The following PTGER3 variants were observed in gnomAD, a reference collection of about 807,000 sequenced individuals.
PTGER3 encodes prostaglandin E receptor 3.
PTGER3 carries 22 observed loss-of-function variants against 34.7 expected under a neutral mutation model. That is an observed-to-expected ratio of 0.63 (90% CI 0.45 to 0.91). The LOEUF is 0.91. Among genes scored for constraint, PTGER3 ranks in the 40% least tolerant of loss-of-function variants. The probability of loss-of-function intolerance (pLI) is 0.00; values close to 1 mark genes in which losing one functional copy is unlikely to be tolerated. For missense variants in PTGER3, 468 were observed against 519.4 expected, an observed-to-expected ratio of 0.90 and a Z score of 0.96; for synonymous variants, 241 against 230.1, an observed-to-expected ratio of 1.05 and a Z score of -0.43.
intron 2 of PTGER3, among the ~76,000 whole-genome samples, chr1:70,976,197 T>C (rs1385746516): frequency 1.3e-5 from 2 of 151,880 alleles, no homozygotes; most frequent in Non-Finnish European, 2.9e-5. Flanking sequence ...GTTTCCCTAG[T>C]GGCACTGTCT....
chr1:71,046,642 A>C, intron 1 of PTGER3, 39 bp downstream of exon 1: 1 of 1,507,830 alleles, frequency 6.6e-7, no homozygotes, highest in Non-Finnish European at 8.8e-7. Flanking sequence ...GCTTACTCGC[A>C]CACGCATCCT....
intron 1 of PTGER3, among the ~76,000 whole-genome samples, chr1:71,014,308 C>G (rs1256273054): frequency 6.6e-6 from 1 of 152,188 alleles, no homozygotes; most frequent in African/African-American, 2.4e-5. Flanking sequence ...CACTTTGATA[C>G]ACTCACCCTG....
At chr1:70,913,303 G>A (rs958626988) in intron 4 of PTGER3, among the ~76,000 whole-genome samples, 2 of 151,756 alleles carry the variant, frequency 1.3e-5, no homozygotes, top group Admixed American at 1.3e-4. Flanking sequence ...GTAGTTCATT[G>A]CTAGTATACA....
At chr1:70,966,811 G>A (rs573496663), downstream of PTGER3, among the ~76,000 whole-genome samples, 2 of 151,900 alleles carry the variant, frequency 1.3e-5, no homozygotes, top group African/African-American at 2.4e-5. Context: ...AGTATTCCAT[G>A]GTGTATATGA....
At chr1:71,018,614 C>T (rs766761976) in intron 1 of PTGER3, among the ~76,000 whole-genome samples, 24 of 152,086 alleles carry the variant, frequency 1.6e-4, no homozygotes, top group Non-Finnish European at 2.9e-4. Context: ...TATCTAAAAA[C>T]TCACTTAAAT....
intron 2 of PTGER3, among the ~76,000 whole-genome samples, chr1:70,978,017 TATC>T (rs1653879797): frequency 6.6e-6 from 1 of 152,154 alleles, no homozygotes; most frequent in Admixed American, 6.6e-5. Flanking sequence ...TCGGTACTCT[TATC>T]ATCTTCACTT....
intron 4 of PTGER3, among the ~76,000 whole-genome samples, chr1:70,943,406 T>A (rs1408201537): frequency 2.6e-5 from 4 of 152,190 alleles, no homozygotes; most frequent in African/African-American, 9.7e-5. Context: ...CCATTTTTCA[T>A]ATTGTTTTGT....
At chr1:71,009,890 C>G in intron 2 of PTGER3, 1 of 985,240 alleles carries the variant, frequency 1.0e-6, no homozygotes. Flanking sequence ...CTGTACATCT[C>G]TGAAATCTAA....
chr1:70,927,616 A>T (rs1022248608), intron 4 of PTGER3, among the ~76,000 whole-genome samples: 1 of 152,196 alleles, frequency 6.6e-6, no homozygotes, highest in African/African-American at 2.4e-5. Flanking sequence ...TCTAAATATC[A>T]TCAACACATC....
intron 1 of PTGER3, among the ~76,000 whole-genome samples, chr1:71,026,157 C>T (rs1303885134): frequency 2.6e-5 from 4 of 152,116 alleles, no homozygotes; most frequent in African/African-American, 9.7e-5. Context: ...TTTTCCTTTT[C>T]CCAACACAAA....
chr1:71,039,598 G>A (rs1186360793), intron 1 of PTGER3, among the ~76,000 whole-genome samples: 8 of 147,870 alleles, frequency 5.4e-5, no homozygotes, highest in Admixed American at 2.7e-4. Flanking sequence ...TGCAGTGAGC[G>A]GAGATTGCGC....
intron 4 of PTGER3, among the ~76,000 whole-genome samples, chr1:70,897,295 G>A (rs17131484): frequency 0.19 from 28,481 of 151,944 alleles, 3,388 homozygotes; most frequent in Admixed American, 0.34. Context: ...AAATCTAACC[G>A]GCAATCCATT....
chr1:70,967,621 T>A (rs1652664148), downstream of PTGER3, among the ~76,000 whole-genome samples: 1 of 152,126 alleles, frequency 6.6e-6, no homozygotes, highest in African/African-American at 2.4e-5. Flanking sequence ...ACTTCTGTAG[T>A]CATAACTAAA....
chr1:70,936,906 TA>T (rs925272299), intron 4 of PTGER3, among the ~76,000 whole-genome samples: 5 of 152,154 alleles, frequency 3.3e-5, no homozygotes, highest in African/African-American at 1.2e-4. Context: ...CTGTATCAAT[TA>T]AAATCCAGTA....
Position 71,047,750 on chromosome 1 carries a change from G to A in PTGER3, c.-173C>T, listed in dbSNP as rs1661002275. 1.7e-6 allele frequency: 1 copy of A among 601,414 alleles called. No individual in the cohort carries two copies. The highest frequency in any genetic ancestry group is 5.4e-4 in the Middle Eastern group (1 of 1,864). 37.3% of individuals were successfully genotyped at this position (601,414 alleles called of 1,614,324 possible). ...CGCTGCTGGGACCGCGGCCGCGGCG[G>A]CGCCAGGGCTCACTGGCCCGGGAGG... On this transcript the variant is annotated 5_prime_UTR_variant, in exon 1 of 4. Transcript: ENST00000306666.
At chr1:70,902,830 T>C (rs181683187) in intron 4 of PTGER3, among the ~76,000 whole-genome samples, 509 of 152,244 alleles carry the variant, frequency 3.3e-3, no homozygotes, top group African/African-American at 0.012. Flanking sequence ...TGGCAGTTAG[T>C]GAATCAGAGA....
At chr1:70,893,051 T>C (rs966514468) in intron 4 of PTGER3, among the ~76,000 whole-genome samples, 5 of 152,086 alleles carry the variant, frequency 3.3e-5, no homozygotes, top group African/African-American at 1.2e-4. Flanking sequence ...TCCTTACTAT[T>C]GAGTACAAAC....
intron 2 of PTGER3, chr1:71,009,097 G>T (rs1557736504): frequency 2.0e-6 from 2 of 984,898 alleles, no homozygotes; most frequent in African/African-American, 1.7e-5. Flanking sequence ...GAGTCAAAAA[G>T]AACAAAATTA....
At chr1:70,904,279 C>T (rs755296626) in intron 4 of PTGER3, among the ~76,000 whole-genome samples, 5 of 152,122 alleles carry the variant, frequency 3.3e-5, no homozygotes, top group Non-Finnish European at 7.4e-5. Context: ...AGCAGTATGT[C>T]TTTATCAGTA....
Sources: gnomAD v4.1 joint callset for allele counts (sites outside exome capture counted in the v4.1 genomes callset) on GRCh38, gnomAD v4.1.1 for gene constraint, MANE v1.5 for transcripts, NCBI Gene and HGNC (gene_info 2026-07-23, HGNC 2026-07-21) for gene names.